The following HTT variants were observed in gnomAD, a reference collection of about 807,000 sequenced individuals.
The protein encoded by HTT is huntingtin.
In HTT, 104 loss-of-function variants were observed where a neutral mutation model predicts 362.3. That is an observed-to-expected ratio of 0.29 (90% CI 0.24 to 0.34). The LOEUF (loss-of-function observed/expected upper bound fraction) is 0.34, where lower values mean the gene tolerates loss of function less well. Among genes scored for constraint, HTT ranks in the 10% least tolerant of loss-of-function variants. The pLI, the probability that HTT is intolerant of heterozygous loss-of-function variation, is 1.00. For missense variants in HTT, 3,301 were observed against 3,928.6 expected (o/e 0.84, Z 4.27); for synonymous variants, 1,577 against 1,548.7 (o/e 1.02, Z -0.43).
intron 27 of HTT, among the ~76,000 whole-genome samples, chr4:3,154,703 G>C (rs968915376): frequency 9.2e-5 from 14 of 152,226 alleles, no homozygotes; most frequent in African/African-American, 2.7e-4. Context: ...ATGCTTCCCT[G>C]GTTGCAGGTG....
rs372850510 is a variant in HTT at position 3,222,462 on chromosome 4, T to A, written c.7445T>A (p.Met2482Lys). The part of the protein sequence containing the change: ...LGVLVTQPLV[M>K]EQEESPPEED... ...GTCCTGGTGACGCAGCCCCTCGTGA[T>A]GGAGCAGGAGGAGAGCCCACCAGAA... The change falls in exon 54 of 67, where the codon ATG becomes AAG. Residue 2482 changes from methionine (M) to lysine (K), a missense_variant. Transcript: ENST00000355072. 6.2e-7 allele frequency: 1 copy of A among 1,613,978 alleles called. No individual in the cohort carries two copies. Among genetic ancestry groups the A allele is most frequent in the African/African-American group, 1.3e-5 (1 of 74,920 alleles).
At chr4:3,183,480 A>G (rs1718618919) in intron 37 of HTT, among the ~76,000 whole-genome samples, 1 of 152,248 alleles carries the variant, frequency 6.6e-6, no homozygotes, top group Admixed American at 6.5e-5. Context: ...ACAATAAACA[A>G]CTACTCTGTA....
chr4:3,216,600 G>C (rs1720411673), intron 51 of HTT, among the ~76,000 whole-genome samples: 1 of 152,222 alleles, frequency 6.6e-6, no homozygotes, highest in Admixed American at 6.5e-5. Context: ...AGAGCAACGG[G>C]CCCTGAAGTG....
intron 23 of HTT, 59 bp downstream of exon 23, chr4:3,142,945 G>C (rs1303098131): frequency 7.0e-7 from 1 of 1,427,730 alleles, no homozygotes; most frequent in African/African-American, 1.4e-5. Context: ...TAGCTTGTAT[G>C]GCCAGTTAGT....
chr4:3,140,776 G>C (rs981032997), intron 22 of HTT, 120 bp downstream of exon 22: 180 of 920,662 alleles, frequency 2.0e-4, no homozygotes, highest in Admixed American at 9.5e-4. Flanking sequence ...CAGGATGTTT[G>C]AGTGTAGGTC....
intron 1 of HTT, among the ~76,000 whole-genome samples, chr4:3,078,629 T>C (rs910195967): frequency 6.6e-6 from 1 of 152,128 alleles, no homozygotes; most frequent in Non-Finnish European, 1.5e-5. Context: ...AGTGCACTAG[T>C]GTGATCTTGG....
chr4:3,143,436 CAAAAAA>C (rs1056047426), intron 23 of HTT, among the ~76,000 whole-genome samples: 1 of 70,228 alleles, frequency 1.4e-5, no homozygotes, highest in Non-Finnish European at 2.7e-5. Flanking sequence ...GACTCTGTCT[CAAAAAA>C]AAAAAAAAAA....
At chr4:3,123,447 G>A (rs1715382820) in intron 10 of HTT, 1 of 151,952 alleles carries the variant, frequency 6.6e-6, no homozygotes, top group African/African-American at 2.4e-5. Flanking sequence ...ATTTTATTTA[G>A]TATTAGTCAG....
At chr4:3,125,746 C>T in intron 11 of HTT, 117 bp downstream of exon 11, 2 of 733,152 alleles carry the variant, frequency 2.7e-6, no homozygotes, top group Non-Finnish European at 4.9e-6. Context: ...AGCAGTGGAG[C>T]CAGGTTGCTT....
At chr4:3,209,701 C>T (rs572120029) in intron 46 of HTT, 126 bp from the exon 47 acceptor site, 28 of 1,161,796 alleles carry the variant, frequency 2.4e-5, no homozygotes, top group East Asian at 7.3e-5. Context: ...CACAGCCTGC[C>T]GGCCGGCAGC....
rs1189250180 is a variant in HTT, at chr4:3,177,376, G to A, written c.4452G>A (p.Val1484=). Residue 1484 remains valine, a synonymous_variant, in exon 34 of 67, where the codon GTG becomes GTA. Transcript: ENST00000355072. ...FVLKQFEYIE[V]GQFRESEAII... ...TGAAACAGTTTGAATACATTGAAGT[G>A]GGCCAGTTCAGGTAATAGCATTTTA... 1 of 1,595,164 alleles carries A rather than the reference G, an allele frequency of 6.3e-7. No individual in the cohort carries two copies. The highest frequency in any genetic ancestry group is 8.5e-7 in the Non-Finnish European group (1 of 1,172,302).
chr4:3,132,409 T>G (rs1483676055), intron 16 of HTT, among the ~76,000 whole-genome samples, 153 bp from the exon 17 acceptor site: 1 of 152,188 alleles, frequency 6.6e-6, no homozygotes, highest in Non-Finnish European at 1.5e-5. Flanking sequence ...TTTTTTTTTT[T>G]TAATCACTTA....
chr4:3,084,411 G>A (rs897741750), intron 1 of HTT, among the ~76,000 whole-genome samples: 2 of 152,030 alleles, frequency 1.3e-5, no homozygotes, highest in Admixed American at 6.6e-5. Context: ...AGATCAGGTC[G>A]GACGTGGTGG....
In HTT at chr4:3,186,582, TGTC is replaced by T. The variant is rs1470220497; in HGVS notation, c.4867-14_4867-12del. 2 of 1,611,744 alleles carry T rather than the reference TGTC, an allele frequency of 1.2e-6. No individual in the cohort carries two copies. Among genetic ancestry groups the T allele is most frequent in the South Asian group, 1.1e-5 (1 of 91,024 alleles). On this transcript the variant is annotated splice_polypyrimidine_tract_variant and intron_variant, in intron 37 of 66. Transcript: ENST00000355072. ...TTGGCTTACGTAGAAATGTTTGTGGTGTCTAATTCCACAGATGCACATTGACTC... is the reference window on the plus strand; with the variant it reads ...TTGGCTTACGTAGAAATGTTTGTGGTTAATTCCACAGATGCACATTGACTC...
At chr4:3,104,190 C>T (rs1021088124) in intron 4 of HTT, among the ~76,000 whole-genome samples, 6 of 151,992 alleles carry the variant, frequency 3.9e-5, no homozygotes, top group Non-Finnish European at 8.8e-5. Context: ...CTCCGCCTCC[C>T]GGGTTCAACC....
Position 3,116,244 on chromosome 4 carries a change from C to G in HTT, c.1049C>G (p.Ser350Cys). ...AGGAAAGAAATGGAAGTCTCTCCTTCTGCAGAGCAGCTTGTCCAGGTAGGA... is the reference window on the plus strand; with the variant it reads ...AGGAAAGAAATGGAAGTCTCTCCTTGTGCAGAGCAGCTTGTCCAGGTAGGA... ...VTRKEMEVSP[S>C]AEQLVQVYEL... The change falls in exon 8 of 67, where the codon TCT (serine) becomes TGT (cysteine). Residue 350 changes from serine to cysteine, a missense_variant. Physicochemically the swap from Ser to Cys is moderately radical, Grantham distance 112. Around this residue, in one of 4 missense-constraint regions of HTT, gnomAD observed 2,316 missense variants for 2,658.5 expected, o/e 0.87. Coordinates refer to ENST00000355072, the MANE Select transcript of HTT (RefSeq NM_001388492.1). 1 of 1,611,600 alleles carries G rather than the reference C, an allele frequency of 6.2e-7. No individual in the cohort carries two copies. Among genetic ancestry groups the G allele is most frequent in the African/African-American group, 1.3e-5 (1 of 75,024 alleles).
At chr4:3,171,581 G>A (rs1289912368) in intron 29 of HTT, among the ~76,000 whole-genome samples, 4 of 151,612 alleles carry the variant, frequency 2.6e-5, no homozygotes, top group African/African-American at 7.3e-5. Context: ...TGGTTCAAGC[G>A]ATTCTCCTGC....
intron 10 of HTT, 83 bp from the exon 11 acceptor site, chr4:3,125,466 G>A (rs865898618): frequency 3.7e-6 from 3 of 813,990 alleles, no homozygotes; most frequent in East Asian, 2.5e-5. Flanking sequence ...ATTCTTATGA[G>A]TTTCATTTTA....
At position 3,074,708 on chromosome 4, in the gene HTT, G is replaced by A. The variant is rs1444227056; in HGVS notation, c.-118G>A. The stretch of plus-strand genomic sequence containing the variant: ...TGCCGGGACGGGTCCAAGATGGACG[G>A]CCGCTCAGGTTCTGCTTTTACCTGC... On this transcript the variant is annotated 5_prime_UTR_variant, in exon 1 of 67. Coordinates refer to ENST00000355072, the MANE Select transcript of HTT (RefSeq NM_001388492.1). 3.6e-6 allele frequency: 4 copies of A among 1,106,028 alleles called. No individual in the cohort carries two copies. Among genetic ancestry groups the A allele is most frequent in the Non-Finnish European group, 4.9e-6 (4 of 818,582 alleles). The allele number at this position is 1,106,028 out of a possible 1,614,324, so 68.5% of individuals were successfully genotyped here. A position where few individuals can be genotyped will look rare whatever the true frequency, so the allele number is the denominator to read the frequency against.
Sources: gnomAD v4.1 joint callset for allele counts (sites outside exome capture counted in the v4.1 genomes callset) on GRCh38, gnomAD v4.1.1 for gene constraint, gnomAD v4.1.1 regional missense constraint, MANE v1.5 for transcripts, NCBI Gene and HGNC (gene_info 2026-07-23, HGNC 2026-07-21) for gene names.